FANCD2: variants seen among roughly 807,000 people sequenced by gnomAD.
The protein encoded by FANCD2 is FA complementation group D2.
In FANCD2, 131 loss-of-function variants were observed where a neutral mutation model predicts 192.3. That is an observed-to-expected ratio of 0.68 (90% CI 0.59 to 0.79). FANCD2 has a LOEUF of 0.79. Among genes scored for constraint, FANCD2 ranks in the 30% least tolerant of loss-of-function variants. FANCD2 has a pLI of 0.00. For missense variants in FANCD2, 1,508 were observed against 1,701.6 expected (o/e 0.89, Z 2.00); for synonymous variants, 524 against 612.5 (o/e 0.86, Z 2.13).
chr3:10,054,399 ATATG>A (rs2087322990), intron 18 of FANCD2, among the ~76,000 whole-genome samples: 1 of 97,964 alleles, frequency 1.0e-5, no homozygotes, highest in Non-Finnish European at 1.9e-5. Context: ...GTATATACGT[ATATG>A]TATATACGTA....
chr3:10,092,104 A>G, intron 37 of FANCD2, 77 bp from the exon 38 acceptor site: 1 of 1,010,852 alleles, frequency 9.9e-7, no homozygotes, highest in Non-Finnish European at 1.6e-6. Flanking sequence ...TAATTCAAGA[A>G]CTATATCTTA....
intron 26 of FANCD2, among the ~76,000 whole-genome samples, chr3:10,068,845 C>T (rs2087790756): frequency 6.6e-6 from 1 of 152,142 alleles, no homozygotes; most frequent in Non-Finnish European, 1.5e-5. Flanking sequence ...GTCCATACAC[C>T]TACAATGAAC....
chr3:10,040,702 G>T lies in FANCD2; in HGVS notation c.695+857G>T, dbSNP rs567648067. 11 of 372,626 alleles carry T rather than the reference G, an allele frequency of 3.0e-5. No individual in the cohort carries two copies. In the East Asian group the frequency reaches 7.6e-4, roughly 26 times the overall value. The allele number at this position is 372,626 out of a possible 1,614,324, so 23.1% of individuals were successfully genotyped here. A position where few individuals can be genotyped will look rare whatever the true frequency, so the allele number is the denominator to read the frequency against. ...CTTAATGCAACTTTTTATTGTACTA[G>T]AAGTATTTTTTTTAAATTCAGTTTG... is the stretch of plus-strand genomic sequence containing the variant. On this transcript the variant is annotated intron_variant, in intron 9 of 43. Coordinates refer to ENST00000675286, the MANE Select transcript of FANCD2 (RefSeq NM_001018115.3).
In FANCD2 at chr3:10,043,521, A is replaced by T; in HGVS notation, c.1027A>T (p.Ile343Phe). 3 of 1,613,900 alleles carry T rather than the reference A, an allele frequency of 1.9e-6. No individual in the cohort carries two copies. Among genetic ancestry groups the T allele is most frequent in the Non-Finnish European group, 2.5e-6 (3 of 1,179,812 alleles). The change falls in exon 13 of 44, where the codon ATT (isoleucine) becomes TTT (phenylalanine). Residue 343 changes from isoleucine (I) to phenylalanine (F), a missense_variant. Transcript: ENST00000675286. ...TCAAGAAAGCAGCGGTCAGAGCTGT[A>T]TTATTCTCCTCTTTGATGTAATAAA... is the stretch of plus-strand genomic sequence containing the variant. ...GNQESSGQSC[I>F]ILLFDVIKSA...
At chr3:10,093,793 C>T (rs566444875) in intron 39 of FANCD2, among the ~76,000 whole-genome samples, 1 of 152,294 alleles carries the variant, frequency 6.6e-6, no homozygotes, top group South Asian at 2.1e-4. Context: ...GCTACTTCGC[C>T]ACTCCTCAAG....
chr3:10,098,777 G>A lies in FANCD2; in HGVS notation c.4243G>A (p.Asp1415Asn), dbSNP rs2125100870. 1 of 1,614,184 alleles carries A rather than the reference G, an allele frequency of 6.2e-7. No homozygotes were observed. The highest frequency in any genetic ancestry group is 8.5e-7 in the Non-Finnish European group (1 of 1,180,022). Residue 1415 changes from aspartate (D) to asparagine (N), a missense_variant, in exon 43 of 44, where the codon GAC becomes AAC. Physicochemically the swap from Asp to Asn is conservative, Grantham distance 23. Coordinates refer to ENST00000675286, the MANE Select transcript of FANCD2 (RefSeq NM_001018115.3). ...QESTADESED[D>N]MSSQASKSKA... The stretch of plus-strand genomic sequence containing the variant: ...GAGCACAGCAGATGAGAGTGAGGAT[G>A]ACATGTCATCCCAGGCCTCCAAGAG...
intron 3 of FANCD2, among the ~76,000 whole-genome samples, chr3:10,033,887 C>T (rs769523740): frequency 7.9e-5 from 12 of 151,098 alleles, no homozygotes; most frequent in East Asian, 6.0e-4. Flanking sequence ...TTAGTAGAGA[C>T]GGAGTTTCAC....
At chr3:10,035,352 A>G (rs1405560457) in intron 6 of FANCD2, 119 bp downstream of exon 6, 9 of 863,252 alleles carry the variant, frequency 1.0e-5, no homozygotes, top group Admixed American at 3.6e-5. Flanking sequence ...GGTTTGTAGC[A>G]GCTTTAGCAC....
Position 10,085,885 on chromosome 3 carries a change from CAG to C in FANCD2, c.3299_3300del (p.Gln1100ArgfsTer72), listed in dbSNP as rs770686014. 3 of 1,613,436 alleles carry C rather than the reference CAG, an allele frequency of 1.9e-6. No individual in the cohort carries two copies. In the African/African-American group the frequency reaches 4.0e-5, roughly 22 times the overall value. ...CCATGTCCTTAGTAGCCGACTGAAA[CAG>C]GGAGAACACAGCCAGCCTTTGGAGG... The part of the protein sequence containing the change: ...ALHVLSSRLK[Q>X]GEHSQPLEEL... On this transcript the variant is annotated frameshift_variant, in exon 33 of 44. Coordinates refer to ENST00000675286, the MANE Select transcript of FANCD2 (RefSeq NM_001018115.3). LOFTEE classifies it high-confidence loss of function.
intron 9 of FANCD2, chr3:10,040,428 A>G (rs2086837445): frequency 2.2e-6 from 1 of 453,012 alleles, no homozygotes; most frequent in Admixed American, 2.4e-5. Flanking sequence ...GAAGTTGACC[A>G]TGATCCCTTA....
chr3:10,046,781 G>A (rs2087028269), intron 15 of FANCD2, 58 bp downstream of exon 15: 4 of 1,314,956 alleles, frequency 3.0e-6, no homozygotes, highest in African/African-American at 1.5e-5. Context: ...CAGCTCTCAT[G>A]TAAAATTTCA....
chr3:10,072,084 C>T (rs28810991), intron 26 of FANCD2, among the ~76,000 whole-genome samples: 4,667 of 152,162 alleles, frequency 0.031, 88 homozygotes, highest in South Asian at 0.062. Context: ...GATAGCACAA[C>T]AGGGTGACTA....
intron 30 of FANCD2, 88 bp downstream of exon 30, chr3:10,078,285 G>T: frequency 1.1e-6 from 1 of 895,390 alleles, no homozygotes; most frequent in African/African-American, 1.6e-5. Flanking sequence ...ACTTTCTTTG[G>T]CATTGTGTTT....
chr3:10,031,539 G>A (rs2086603871), intron 2 of FANCD2, among the ~76,000 whole-genome samples: 1 of 151,048 alleles, frequency 6.6e-6, no homozygotes, highest in Admixed American at 6.6e-5. Context: ...AGGAATTGAA[G>A]AAGGAAAAAA....
At chr3:10,073,985 A>T (rs1468658299) in intron 28 of FANCD2, among the ~76,000 whole-genome samples, 5 of 151,982 alleles carry the variant, frequency 3.3e-5, no homozygotes, top group Non-Finnish European at 7.4e-5. Flanking sequence ...TCACTCTGTC[A>T]CCCAGGCTGG....
intron 14 of FANCD2, among the ~76,000 whole-genome samples, chr3:10,044,336 T>G (rs1298364698): frequency 6.6e-6 from 1 of 151,806 alleles, no homozygotes; most frequent in African/African-American, 2.4e-5. Flanking sequence ...TACTGGATCT[T>G]ATGTCTCTAT....
At chr3:10,042,472 T>C in intron 10 of FANCD2, 87 bp from the exon 11 acceptor site, 1 of 1,115,350 alleles carries the variant, frequency 9.0e-7, no homozygotes, top group Non-Finnish European at 1.4e-6. Context: ...AGAGAAGTGA[T>C]TTTTTTCTAA....
intron 26 of FANCD2, among the ~76,000 whole-genome samples, chr3:10,071,637 C>T (rs1482172455): frequency 6.6e-6 from 1 of 152,108 alleles, no homozygotes; most frequent in African/African-American, 2.4e-5. Flanking sequence ...TAATTTAACT[C>T]ATGGAGATAG....
chr3:10,067,151 T>C (rs116962388), intron 25 of FANCD2, 58 bp from the exon 26 acceptor site: 34 of 1,103,186 alleles, frequency 3.1e-5, no homozygotes, highest in Non-Finnish European at 4.6e-5. Context: ...ATAAATAATA[T>C]AAACAAGGTT....
Sources: allele counts gnomAD v4.1 joint callset (sites outside exome capture counted in the v4.1 genomes callset), GRCh38; gene constraint gnomAD v4.1.1; transcripts MANE v1.5; gene names NCBI Gene and HGNC (gene_info 2026-07-23, HGNC 2026-07-21).